The following INSL6 variants were observed in gnomAD, a reference collection of about 807,000 sequenced individuals.
INSL6 encodes insulin like 6.
Under a neutral mutation model 9.4 loss-of-function variants are expected in INSL6, and 16 were observed. That is an observed-to-expected ratio of 1.70 (90% CI 1.15 to 2.59). INSL6 has a LOEUF of 2.59. Among genes scored for constraint, INSL6 ranks in the 30% most tolerant of loss-of-function variants. The probability of loss-of-function intolerance (pLI) is 0.00; values close to 1 mark genes in which losing one functional copy is unlikely to be tolerated. For missense variants in INSL6, 391 were observed against 257.3 expected (o/e 1.52, Z -3.56); for synonymous variants, 154 against 96.9 (o/e 1.59, Z -3.46).
At chr9:5,016,548 A>G in the INSL6 span, among the ~76,000 whole-genome samples, 1 of 152,230 alleles carries the variant, frequency 6.6e-6, no homozygotes, top group Non-Finnish European at 1.5e-5. Flanking sequence ...AAATTTAAAA[A>G]TGTAAGTAAA....
the INSL6 span, among the ~76,000 whole-genome samples, chr9:5,093,194 T>C: frequency 1.3e-5 from 2 of 152,334 alleles, no homozygotes; most frequent in South Asian, 4.1e-4. Flanking sequence ...ATAAGCATCC[T>C]ATTATTTATA....
At chr9:5,062,382 T>A in the INSL6 span, among the ~76,000 whole-genome samples, 1 of 151,834 alleles carries the variant, frequency 6.6e-6, no homozygotes, top group Non-Finnish European at 1.5e-5. Context: ...TAATAAAGTT[T>A]AAATTTTGTG....
At chr9:5,101,435 A>C in the INSL6 span, among the ~76,000 whole-genome samples, 2 of 152,240 alleles carry the variant, frequency 1.3e-5, no homozygotes, top group African/African-American at 4.8e-5. Flanking sequence ...GCCTTTGTAG[A>C]CCACACCTCT....
the INSL6 span, chr9:5,096,786 T>A: frequency 6.6e-6 from 1 of 152,126 alleles, no homozygotes; most frequent in Non-Finnish European, 1.5e-5. Flanking sequence ...TTGAGCAGAA[T>A]TAGGTCAACC....
intron 1 of INSL6, among the ~76,000 whole-genome samples, chr9:5,181,889 CATCT>C (rs1825463415): frequency 2.0e-5 from 3 of 152,276 alleles, no homozygotes; most frequent in Admixed American, 1.3e-4. Context: ...TGTCATTTTA[CATCT>C]ATTACACTGG....
chr9:5,149,126 T>C (rs1019358311), intron 2 of INSL6, among the ~76,000 whole-genome samples: 3 of 152,216 alleles, frequency 2.0e-5, no homozygotes, highest in Admixed American at 6.5e-5. Context: ...TCTGGGGAGA[T>C]CCCCCTGCCA....
At chr9:5,064,877 G>T in the INSL6 span, 1 of 1,550,084 alleles carries the variant, frequency 6.5e-7, no homozygotes, top group Non-Finnish European at 8.7e-7. Flanking sequence ...TCTTTTCTCT[G>T]CTTAGGAAAT....
the INSL6 span, among the ~76,000 whole-genome samples, chr9:5,047,462 ACTG>A: frequency 6.6e-6 from 1 of 152,238 alleles, no homozygotes; most frequent in Non-Finnish European, 1.5e-5. Flanking sequence ...AAGCAAATAA[ACTG>A]CTGACATGTG....
intron 1 of INSL6, among the ~76,000 whole-genome samples, chr9:5,183,187 G>T (rs1035755715): frequency 3.9e-5 from 6 of 151,980 alleles, no homozygotes; most frequent in African/African-American, 1.5e-4. Context: ...GAAATTAACA[G>T]GACAGAATAA....
chr9:5,054,754 A>G, the INSL6 span: 2 of 1,613,394 alleles, frequency 1.2e-6, no homozygotes, highest in Admixed American at 3.3e-5. The surrounding 1 kb of genome is among the most constrained non-coding windows in gnomAD (Gnocchi z 4.9). Flanking sequence ...TACACAGAGA[A>G]ATTTGAAGTA....
the INSL6 span, chr9:5,029,714 A>G: frequency 7.3e-7 from 1 of 1,363,494 alleles, no homozygotes; most frequent in Middle Eastern, 1.9e-4. Flanking sequence ...TTCATTTCAA[A>G]TTATAGGTGC....
chr9:5,029,360 G>A, the INSL6 span, among the ~76,000 whole-genome samples: 1 of 152,246 alleles, frequency 6.6e-6, no homozygotes, highest in African/African-American at 2.4e-5. Context: ...CAATTGTAAT[G>A]TCAAAGATCA....
chr9:5,127,430 C>A (rs903863375), intron 3 of INSL6: 2 of 231,480 alleles, frequency 8.6e-6, no homozygotes. Flanking sequence ...ATAAAGGGAA[C>A]AAATGTCTAG....
the INSL6 span, among the ~76,000 whole-genome samples, chr9:5,082,176 C>A: frequency 3.3e-5 from 5 of 152,156 alleles, no homozygotes; most frequent in African/African-American, 1.2e-4. Context: ...ATATGGAGGA[C>A]CCGCACCAAC....
At chr9:5,136,513 G>C (rs202221192) in intron 2 of INSL6, among the ~76,000 whole-genome samples, 1 of 151,888 alleles carries the variant, frequency 6.6e-6, no homozygotes, top group Non-Finnish European at 1.5e-5. Context: ...GAAACAATGA[G>C]AAAAACAACA....
chr9:5,069,007 ATTAAAC>A, the INSL6 span: 3 of 1,481,654 alleles, frequency 2.0e-6, no homozygotes, highest in East Asian at 6.9e-5. Flanking sequence ...TTTCTTTATA[ATTAAAC>A]TTATACAGCG....
chr9:5,140,273 T>G (rs987229760), intron 2 of INSL6, among the ~76,000 whole-genome samples: 10 of 152,082 alleles, frequency 6.6e-5, no homozygotes, highest in South Asian at 4.2e-4. Flanking sequence ...AGATCAGAAC[T>G]CTCAGGCAGA....
the INSL6 span, among the ~76,000 whole-genome samples, chr9:5,002,273 C>CATTT: frequency 6.6e-6 from 1 of 151,836 alleles, no homozygotes; most frequent in Admixed American, 6.6e-5. Context: ...CCATCATAAG[C>CATTT]ATTTATAGCT....
chr9:5,096,486 C>G, the INSL6 span, among the ~76,000 whole-genome samples: 39 of 152,190 alleles, frequency 2.6e-4, no homozygotes, highest in African/African-American at 9.4e-4. Flanking sequence ...CAATCTACTT[C>G]TCCCTCCATG....
Sources: allele counts gnomAD v4.1 joint callset (sites outside exome capture counted in the v4.1 genomes callset), GRCh38; gene constraint gnomAD v4.1.1; non-coding constraint Gnocchi (gnomAD v3.1); transcripts MANE v1.5; gene names NCBI Gene and HGNC (gene_info 2026-07-23, HGNC 2026-07-21).